The following EEF2K variants were observed in gnomAD, a reference collection of about 807,000 sequenced individuals.
The protein encoded by EEF2K is alternative protein EEF2K.
EEF2K carries 70 observed loss-of-function variants against 93.8 expected under a neutral mutation model. The observed-to-expected ratio is 0.75, with a 90% CI of 0.62 to 0.91. EEF2K has a LOEUF of 0.91. EEF2K is among the 40% of genes least tolerant of loss of function. The probability of loss-of-function intolerance (pLI) is 0.00; values close to 1 mark genes in which losing one functional copy is unlikely to be tolerated. For missense variants in EEF2K, 935 were observed against 972.9 expected (o/e 0.96, Z 0.52); for synonymous variants, 376 against 380.8 (o/e 0.99, Z 0.15).
chr16:22,250,117 CCCAGGCTGG>C (rs2141669142), intron 4 of EEF2K, among the ~76,000 whole-genome samples: 2 of 152,112 alleles, frequency 1.3e-5, no homozygotes, highest in South Asian at 4.2e-4. Flanking sequence ...TGCTATGTTG[CCCAGGCTGG>C]TCTTGAACTC....
chr16:22,234,323 G>A (rs1022649082), intron 2 of EEF2K, among the ~76,000 whole-genome samples: 2 of 152,092 alleles, frequency 1.3e-5, no homozygotes, highest in Admixed American at 6.6e-5. Flanking sequence ...TTGGGAGGCC[G>A]AGGCTGGTGG....
chr16:22,280,496 G>A, intron 17 of EEF2K, 120 bp downstream of exon 17: 3 of 1,113,486 alleles, frequency 2.7e-6, no homozygotes, highest in Non-Finnish European at 3.5e-6. Flanking sequence ...TCCAGGGAGG[G>A]GAATTTATGG....
intron 1 of EEF2K, among the ~76,000 whole-genome samples, chr16:22,215,849 C>T (rs1469401925): frequency 3.3e-5 from 5 of 152,222 alleles, no homozygotes; most frequent in Non-Finnish European, 5.9e-5. Context: ...CACTTGAATC[C>T]GGGAGGCGGA....
chr16:22,217,071 G>A (rs2046964238), intron 1 of EEF2K, among the ~76,000 whole-genome samples: 1 of 150,100 alleles, frequency 6.7e-6, no homozygotes, highest in South Asian at 2.1e-4. Flanking sequence ...TTATATGGGA[G>A]GATCACTTGA....
intron 1 of EEF2K, among the ~76,000 whole-genome samples, chr16:22,215,737 C>G (rs542454191): frequency 2.6e-5 from 4 of 152,152 alleles, no homozygotes; most frequent in African/African-American, 9.6e-5. Context: ...CTAGCCTGAC[C>G]AACATGGTGA....
At chr16:22,207,669 A>G (rs2046876675) in intron 1 of EEF2K, among the ~76,000 whole-genome samples, 1 of 152,122 alleles carries the variant, frequency 6.6e-6, no homozygotes, top group Admixed American at 6.5e-5. Context: ...AGTCACAGCG[A>G]ATTGAGTCAC....
chr16:22,258,305 C>G (rs1418069790), intron 9 of EEF2K, among the ~76,000 whole-genome samples, 189 bp from the exon 10 acceptor site: 2 of 152,024 alleles, frequency 1.3e-5, no homozygotes, highest in Non-Finnish European at 2.9e-5. Context: ...TCCAGATGCC[C>G]TTTCTTGGAG....
At chr16:22,243,074 T>A (rs866011307) in intron 2 of EEF2K, among the ~76,000 whole-genome samples, 9 of 151,422 alleles carry the variant, frequency 5.9e-5, no homozygotes, top group East Asian at 1.9e-4. Context: ...GAAAAAAAAA[T>A]AAAAAATAAA....
chr16:22,246,910 C>T (rs917647172), intron 3 of EEF2K, among the ~76,000 whole-genome samples: 4 of 151,446 alleles, frequency 2.6e-5, no homozygotes, highest in Admixed American at 6.6e-5. Flanking sequence ...CGGTGGCATG[C>T]GCCTGTAATC....
At position 22,250,647 on chromosome 16, in the gene EEF2K, C is replaced by T; in HGVS notation, c.409-7C>T. 1 of 1,614,206 alleles carries T rather than the reference C, an allele frequency of 6.2e-7. No homozygotes were observed. Among genetic ancestry groups the T allele is most frequent in the Non-Finnish European group, 8.5e-7 (1 of 1,180,044 alleles). On this transcript the variant is annotated splice_polypyrimidine_tract_variant and splice_region_variant and intron_variant, in intron 4 of 17. Coordinates refer to ENST00000263026, the MANE Select transcript of EEF2K (RefSeq NM_013302.5). ...GGACTGATAACACTCTGTGTGGTGT[C>T]TTTCAGCCCTTCGGCCGAGGAGCAA... is the stretch of plus-strand genomic sequence containing the variant.
chr16:22,234,877 C>CTTT (rs1173052779), intron 2 of EEF2K, among the ~76,000 whole-genome samples: 1,922 of 90,578 alleles, frequency 0.021, 150 homozygotes, highest in African/African-American at 0.078. Context: ...TTTTTTGTTG[C>CTTT]TTTTTTTTTT....
intron 1 of EEF2K, among the ~76,000 whole-genome samples, chr16:22,214,077 G>A (rs545881367): frequency 2.0e-5 from 3 of 152,306 alleles, no homozygotes; most frequent in East Asian, 1.9e-4. Flanking sequence ...TGTAGGGAGC[G>A]AAGTGATTTA....
chr16:22,273,537 A>G, intron 15 of EEF2K, 89 bp from the exon 16 acceptor site: 3 of 1,542,580 alleles, frequency 1.9e-6, no homozygotes, highest in Non-Finnish European at 2.6e-6. Context: ...CTCAAAAAAC[A>G]GGGTGAAGAT....
chr16:22,213,410 C>A (rs954277601), intron 1 of EEF2K, among the ~76,000 whole-genome samples: 1 of 152,170 alleles, frequency 6.6e-6, no homozygotes, highest in Non-Finnish European at 1.5e-5. Flanking sequence ...TTGGCAGCAT[C>A]CCTGGCCTCT....
intron 1 of EEF2K, among the ~76,000 whole-genome samples, chr16:22,214,448 AAAAG>A (rs2046941255): frequency 6.7e-6 from 1 of 149,982 alleles, no homozygotes; most frequent in Non-Finnish European, 1.5e-5. Flanking sequence ...TCTCAAAAAA[AAAAG>A]AAAAGAGACC....
chr16:22,276,051 C>G (rs1265859638), intron 16 of EEF2K, among the ~76,000 whole-genome samples: 1 of 152,064 alleles, frequency 6.6e-6, no homozygotes, highest in East Asian at 1.9e-4. Flanking sequence ...CTCAAGTGAT[C>G]CTCCTGCTTA....
In EEF2K at chr16:22,258,474, A is replaced by G. The variant is rs1229184876; in HGVS notation, c.1030-20A>G. On this transcript the variant is annotated intron_variant, in intron 9 of 17. Coordinates refer to ENST00000263026, the MANE Select transcript of EEF2K (RefSeq NM_013302.5). ...CAGAGGGTGTGTGCGTGACATGAGT[A>G]TCCCTATTAATGTCCCTAGCAATCA... The G allele has an allele frequency of 6.2e-7, 1 of 1,612,944 alleles. No individual in the cohort carries two copies. Among genetic ancestry groups the G allele is most frequent in the East Asian group, 2.2e-5 (1 of 44,868 alleles).
chr16:22,251,230 G>A lies in EEF2K; in HGVS notation c.526G>A (p.Val176Ile), dbSNP rs768912029. 26 of 1,613,996 alleles carry A rather than the reference G, an allele frequency of 1.6e-5. No homozygotes were observed. The highest frequency in any genetic ancestry group is 5.3e-5 in the African/African-American group (4 of 74,918). The change falls in exon 6 of 18, where the codon GTA becomes ATA. Residue 176 changes from valine to isoleucine, a missense_variant. Physicochemically the swap from Val to Ile is conservative, Grantham distance 29. Coordinates refer to ENST00000263026, the MANE Select transcript of EEF2K (RefSeq NM_013302.5). ...CGTGGCGAAGCGCTACATCGAGCCC[G>A]TAGACCGGGATGTGTACTTTGAGGA... is the stretch of plus-strand genomic sequence containing the variant. ...NYVAKRYIEPVDRDVYFEDVR... is the reference protein window; with the variant it reads ...NYVAKRYIEPIDRDVYFEDVR...
At chr16:22,283,235 AGAGGCAGTGGT>A (rs1334500743) in intron 17 of EEF2K, among the ~76,000 whole-genome samples, 4 of 147,926 alleles carry the variant, frequency 2.7e-5, no homozygotes, top group Non-Finnish European at 5.9e-5. Flanking sequence ...CTTGAACCCC[AGAGGCAGTGGT>A]GACAGTGAGC....
Sources: gnomAD v4.1 joint callset for allele counts (sites outside exome capture counted in the v4.1 genomes callset) on GRCh38, gnomAD v4.1.1 for gene constraint, MANE v1.5 for transcripts, NCBI Gene and HGNC (gene_info 2026-07-23, HGNC 2026-07-21) for gene names.